The following CAV1 variants were observed in gnomAD, a reference collection of about 807,000 sequenced individuals.
CAV1 encodes caveolin 1.
CAV1 carries 10 observed loss-of-function variants against 16.5 expected under a neutral mutation model. That is an observed-to-expected ratio of 0.61 (90% CI 0.37 to 1.03). The LOEUF is 1.03. Ranked by LOEUF, CAV1 falls within the 50% of genes least tolerant of loss-of-function variation. The pLI, the probability that CAV1 is intolerant of heterozygous loss-of-function variation, is 0.01. For missense variants in CAV1, 212 were observed against 232.8 expected, an observed-to-expected ratio of 0.91 and a Z score of 0.58; for synonymous variants, 76 against 85.1, an observed-to-expected ratio of 0.89 and a Z score of 0.59.
At chr7:116,545,717 T>G (rs1188676111) in intron 2 of CAV1, among the ~76,000 whole-genome samples, 1 of 152,256 alleles carries the variant, frequency 6.6e-6, no homozygotes, top group Non-Finnish European at 1.5e-5. Flanking sequence ...CAAACAAATG[T>G]GCATGCAGAC....
chr7:116,525,467 CA>C (rs1793537752), intron 1 of CAV1: 1 of 1,346,786 alleles, frequency 7.4e-7, no homozygotes, highest in African/African-American at 1.5e-5. Context: ...AGGTGGAGTG[CA>C]GGGTGGAGGT....
At position 116,526,506 on chromosome 7, in the gene CAV1, C is replaced by T; in HGVS notation, c.31-19C>T. The T allele has an allele frequency of 2.5e-6, 4 of 1,613,656 alleles. No homozygotes were observed. Among genetic ancestry groups the T allele is most frequent in the South Asian group, 1.1e-5 (1 of 91,040 alleles). On this transcript the variant is annotated intron_variant, in intron 1 of 2. Coordinates refer to ENST00000341049, the MANE Select transcript of CAV1 (RefSeq NM_001753.5). Reference sequence around the variant, plus strand: ...TGCCGCCCTCCCCGTCCTGGCCGTCCGCCCTCCGCCCTCTGCAGGGACATC... The same window carrying T: ...TGCCGCCCTCCCCGTCCTGGCCGTCTGCCCTCCGCCCTCTGCAGGGACATC...
At chr7:116,546,702 A>AAAAAAAATAAAAAAAAT (rs1554356428) in intron 2 of CAV1, among the ~76,000 whole-genome samples, 1 of 142,952 alleles carries the variant, frequency 7.0e-6, no homozygotes, top group African/African-American at 2.6e-5. Context: ...TGTCACAAAA[A>AAAAAAAATAAAAAAAAT]AAAAAAAAAA....
chr7:116,545,235 A>G (rs991240869), intron 2 of CAV1, among the ~76,000 whole-genome samples: 21 of 152,330 alleles, frequency 1.4e-4, no homozygotes, highest in African/African-American at 4.6e-4. Context: ...CAACTTGGGT[A>G]GAGAAGCGGG....
At chr7:116,525,545 C>G in intron 1 of CAV1, 1 of 1,219,420 alleles carries the variant, frequency 8.2e-7, no homozygotes, top group Admixed American at 3.6e-5. Flanking sequence ...CGGCAGGTCC[C>G]GCAGGCGGCG....
intron 1 of CAV1, chr7:116,526,305 G>T: frequency 7.2e-7 from 1 of 1,393,440 alleles, no homozygotes; most frequent in Non-Finnish European, 9.4e-7. Context: ...AGTACAGAGG[G>T]GTGTGGTGTC....
chr7:116,528,282 A>G (rs1457588956), intron 2 of CAV1, among the ~76,000 whole-genome samples: 1 of 152,184 alleles, frequency 6.6e-6, no homozygotes, highest in Non-Finnish European at 1.5e-5. Flanking sequence ...AGCATGACTA[A>G]GTTGAGAAAG....
intron 2 of CAV1, among the ~76,000 whole-genome samples, chr7:116,544,240 C>T (rs1206530487): frequency 3.9e-5 from 6 of 152,200 alleles, no homozygotes; most frequent in African/African-American, 9.6e-5. Flanking sequence ...TCAATGAATG[C>T]AATCACTAAT....
chr7:116,544,015 C>T (rs1793991456), intron 2 of CAV1, among the ~76,000 whole-genome samples: 1 of 152,112 alleles, frequency 6.6e-6, no homozygotes, highest in Admixed American at 6.6e-5. Flanking sequence ...CACTTAACAC[C>T]CCAGCCATAT....
Position 116,526,638 on chromosome 7 carries a change from G to A in CAV1, c.144G>A (p.Glu48=), listed in dbSNP as rs754798370. ...EKQVYDAHTK[E]IDLVNRDPKH... ...AAGTGTACGACGCGCACACCAAGGA[G>A]ATCGACCTGGTCAACCGCGACCCTA... The change falls in exon 2 of 3, where the codon GAG becomes GAA. Residue 48 remains glutamate, a synonymous_variant. Coordinates refer to ENST00000341049, the MANE Select transcript of CAV1 (RefSeq NM_001753.5). 4 of 1,614,150 alleles carry A rather than the reference G, an allele frequency of 2.5e-6. No homozygotes were observed. In the South Asian group the frequency reaches 4.4e-5, roughly 18 times the overall value.
intron 2 of CAV1, among the ~76,000 whole-genome samples, chr7:116,555,749 A>G (rs1394752490): frequency 6.6e-6 from 1 of 151,658 alleles, no homozygotes; most frequent in Non-Finnish European, 1.5e-5. Context: ...GCATTTACTA[A>G]TCATATTGCT....
At chr7:116,546,702 A>AAAAAAAAATAAATAAAT (rs754539592) in intron 2 of CAV1, among the ~76,000 whole-genome samples, 5 of 142,950 alleles carry the variant, frequency 3.5e-5, no homozygotes, top group Admixed American at 7.0e-5. Flanking sequence ...TGTCACAAAA[A>AAAAAAAAATAAATAAAT]AAAAAAAAAA....
At chr7:116,550,987 G>A (rs1794149098) in intron 2 of CAV1, among the ~76,000 whole-genome samples, 2 of 152,186 alleles carry the variant, frequency 1.3e-5, no homozygotes, top group African/African-American at 4.8e-5. Flanking sequence ...CTCCCAGAAA[G>A]GAGCAGGGAA....
chr7:116,546,697 C>CA (rs5886830), intron 2 of CAV1, among the ~76,000 whole-genome samples: 1,084 of 88,386 alleles, frequency 0.012, 44 homozygotes, highest in African/African-American at 0.035. Flanking sequence ...GACTCTGTCA[C>CA]AAAAAAAAAA....
At chr7:116,539,902 G>C (rs6466584) in intron 2 of CAV1, among the ~76,000 whole-genome samples, 125,407 of 152,102 alleles carry the variant, frequency 0.82, 51,983 homozygotes, top group East Asian at 0.95. Context: ...TACAGGAGAA[G>C]TCCCCTGGCA....
At chr7:116,526,503 G>A (rs755785428) in intron 1 of CAV1, 22 bp from the exon 2 acceptor site, 1 of 1,613,484 alleles carries the variant, frequency 6.2e-7, no homozygotes, top group South Asian at 1.1e-5. Flanking sequence ...CGTCCTGGCC[G>A]TCCGCCCTCC....
chr7:116,534,362 GAT>G (rs1181031913), intron 2 of CAV1, among the ~76,000 whole-genome samples: 868 of 42,586 alleles, frequency 0.02, 33 homozygotes, highest in South Asian at 0.049. Context: ...GCCCACCTCA[GAT>G]ATATATATAT....
At chr7:116,531,566 C>G (rs1188531407) in intron 2 of CAV1, among the ~76,000 whole-genome samples, 2 of 152,124 alleles carry the variant, frequency 1.3e-5, no homozygotes, top group Non-Finnish European at 2.9e-5. Flanking sequence ...TGATATACAT[C>G]TAATCAAAGC....
rs1384883704 is a variant in CAV1, at chr7:116,560,355, C to G, written c.*1068C>G. On this transcript the variant is annotated 3_prime_UTR_variant, in exon 3 of 3. Transcript: ENST00000341049. ...TGGTTTAGTGGCTCAACATTGTGTT[C>G]CCATTTCAGCTGATCAGTGGGCCTC... 2 of 152,294 alleles carry G rather than the reference C, an allele frequency of 1.3e-5. No homozygotes were observed. Among genetic ancestry groups the G allele is most frequent in the African/African-American group, 4.8e-5 (2 of 41,466 alleles). 9.4% of individuals were successfully genotyped at this position (152,294 alleles called of 1,614,324 possible). A position where few individuals can be genotyped will look rare whatever the true frequency, so the allele number is the denominator to read the frequency against.
Sources: gnomAD v4.1 joint callset for allele counts (sites outside exome capture counted in the v4.1 genomes callset) on GRCh38, gnomAD v4.1.1 for gene constraint, MANE v1.5 for transcripts, NCBI Gene and HGNC (gene_info 2026-07-23, HGNC 2026-07-21) for gene names.